CLVS1: variants seen among roughly 807,000 people sequenced by gnomAD.
CLVS1 encodes clavesin 1.
A neutral mutation model predicts 33.1 loss-of-function variants in CLVS1; 10 were observed. That is an observed-to-expected ratio of 0.30 (90% confidence interval 0.19 to 0.51). The LOEUF (loss-of-function observed/expected upper bound fraction) is 0.51. Ranked by LOEUF, CLVS1 falls within the 20% of genes least tolerant of loss-of-function variation. CLVS1 has a pLI of 0.97. For missense variants in CLVS1, 343 were observed against 433.4 expected, an observed-to-expected ratio of 0.79 and a Z score of 1.85; for synonymous variants, 163 against 166.1, an observed-to-expected ratio of 0.98 and a Z score of 0.14.
chr8:61,110,645 C>A (rs903426753), intron 1 of CLVS1, among the ~76,000 whole-genome samples: 3 of 152,132 alleles, frequency 2.0e-5, no homozygotes, highest in South Asian at 2.1e-4. Context: ...TAGTGTAGAA[C>A]TTTTTCACCT....
At chr8:61,082,278 G>A (rs1805034349) in intron 1 of CLVS1, among the ~76,000 whole-genome samples, 1 of 151,972 alleles carries the variant, frequency 6.6e-6, no homozygotes, top group Non-Finnish European at 1.5e-5. Flanking sequence ...ATTTAAAAAG[G>A]CACAGTATAT....
intron 2 of CLVS1, among the ~76,000 whole-genome samples, chr8:61,361,989 G>A (rs894073704): frequency 5.9e-5 from 9 of 152,276 alleles, no homozygotes; most frequent in South Asian, 2.1e-4. Context: ...TAGGAGAAAC[G>A]TAGTCAGGTG....
chr8:61,464,718 T>G (rs910445133), intron 5 of CLVS1: 2 of 151,842 alleles, frequency 1.3e-5, no homozygotes, highest in African/African-American at 2.4e-5. Flanking sequence ...GTGCACACAC[T>G]TCATTTTCCC....
At chr8:61,448,772 C>T (rs1446467560) in intron 3 of CLVS1, among the ~76,000 whole-genome samples, 2 of 151,492 alleles carry the variant, frequency 1.3e-5, no homozygotes, top group African/African-American at 2.4e-5. Context: ...CTATCAATTC[C>T]TATTTCCTTT....
upstream of CLVS1, among the ~76,000 whole-genome samples, chr8:61,052,642 C>T (rs1252774185): frequency 2.0e-5 from 3 of 152,124 alleles, no homozygotes; most frequent in East Asian, 5.8e-4. Context: ...GACCAGGAAG[C>T]CCATGTGACC....
In CLVS1 at chr8:61,499,450, G is replaced by T. The variant is rs1178001172; in HGVS notation, c.978-5G>T. The T allele has an allele frequency of 1.2e-6, 2 of 1,608,324 alleles. No homozygotes were observed. Among genetic ancestry groups the T allele is most frequent in the East Asian group, 4.5e-5 (2 of 44,842 alleles). Reference sequence around the variant, plus strand: ...ATTCTGTCTTTTTCCCTCCCCTCTTGTTAGATCTCAGTCTGTGGTAGAAGC... The same window carrying T: ...ATTCTGTCTTTTTCCCTCCCCTCTTTTTAGATCTCAGTCTGTGGTAGAAGC... On this transcript the variant is annotated splice_polypyrimidine_tract_variant and splice_region_variant and intron_variant, in intron 5 of 5. Coordinates refer to ENST00000325897, the MANE Select transcript of CLVS1 (RefSeq NM_173519.3).
chr8:61,106,880 G>A (rs1563405079), intron 1 of CLVS1, among the ~76,000 whole-genome samples: 1 of 152,134 alleles, frequency 6.6e-6, no homozygotes. Context: ...CAGAGGGCCA[G>A]GTGCTCAGTG....
In CLVS1 at chr8:61,202,809, G is replaced by T. The variant is rs1198174674; in HGVS notation, c.-152+70949G>T. 5.3e-6 allele frequency: 7 copies of T among 1,312,588 alleles called. No homozygotes were observed. The African/African-American group carries it at 1.0e-4, about 19-fold the overall frequency. The allele number at this position is 1,312,588 out of a possible 1,614,324, so 81.3% of individuals were successfully genotyped here. On this transcript the variant is annotated intron_variant, in intron 2 of 2. Coordinates refer to the CLVS1 transcript ENST00000522621. ...TCGGAGGTAGTAGCAAGCTTCCACA[G>T]AAAAAAGTAAAACTTGCTGCTGATG...
At chr8:61,375,100 T>C (rs967700427) in intron 2 of CLVS1, among the ~76,000 whole-genome samples, 1 of 152,122 alleles carries the variant, frequency 6.6e-6, no homozygotes, top group African/African-American at 2.4e-5. Flanking sequence ...ATTGTATTGA[T>C]TCCTTTCATG....
chr8:61,420,213 A>G (rs939836466), intron 3 of CLVS1, among the ~76,000 whole-genome samples: 1 of 152,190 alleles, frequency 6.6e-6, no homozygotes, highest in African/African-American at 2.4e-5. Flanking sequence ...AACTGATAAT[A>G]TATTGCCTTT....
chr8:61,289,334 C>G (rs181700936), intron 1 of CLVS1, among the ~76,000 whole-genome samples: 109 of 152,312 alleles, frequency 7.2e-4, no homozygotes, highest in African/African-American at 2.5e-3. Context: ...AGTTGGAACA[C>G]CTTTCAAATG....
At chr8:61,246,888 ATAT>A (rs1480588069) in intron 2 of CLVS1, among the ~76,000 whole-genome samples, 1 of 152,034 alleles carries the variant, frequency 6.6e-6, no homozygotes, top group African/African-American at 2.4e-5. Flanking sequence ...TTTGTTGTAC[ATAT>A]TATTATATCA....
At chr8:61,385,721 T>A (rs1814055944) in intron 3 of CLVS1, among the ~76,000 whole-genome samples, 1 of 152,210 alleles carries the variant, frequency 6.6e-6, no homozygotes, top group African/African-American at 2.4e-5. Flanking sequence ...TCAGTCAGGA[T>A]TTTTTCATAA....
intron 2 of CLVS1, among the ~76,000 whole-genome samples, chr8:61,375,259 T>C (rs1449015063): frequency 1.3e-5 from 2 of 151,658 alleles, no homozygotes; most frequent in African/African-American, 4.8e-5. Context: ...TTTTTTTTTT[T>C]TTTTTTTATG....
At position 61,272,503 on chromosome 8, in the gene CLVS1, T is replaced by A. The variant is rs914738800; in HGVS notation, c.-151-27174T>A. On this transcript the variant is annotated intron_variant, in intron 2 of 2. Transcript: ENST00000522621. ...TTGCTCTTCTTGAGGAGTATCTTTG[T>A]GGTGTTCTCTGTATTTCCTGAATCT... is the stretch of plus-strand genomic sequence containing the variant. Among the ~76,000 whole-genome samples, 526 of 152,272 alleles carry A rather than the reference T, an allele frequency of 3.5e-3. 3 individuals are homozygous for A. Among genetic ancestry groups the A allele is most frequent in the Non-Finnish European group, 5.0e-3 (343 of 68,026 alleles).
At chr8:61,353,729 A>T (rs1157819058) in intron 2 of CLVS1, among the ~76,000 whole-genome samples, 1 of 149,950 alleles carries the variant, frequency 6.7e-6, no homozygotes, top group African/African-American at 2.5e-5. Context: ...AATAAAAAAA[A>T]AAATAAAGAA....
At chr8:61,015,313 T>G in the CLVS1 span, among the ~76,000 whole-genome samples, 2 of 152,224 alleles carry the variant, frequency 1.3e-5, no homozygotes, top group African/African-American at 4.8e-5. Context: ...AGTAACTTGT[T>G]TGCAGTCACA....
chr8:61,426,367 A>C (rs1381471710), intron 3 of CLVS1, among the ~76,000 whole-genome samples: 1 of 152,190 alleles, frequency 6.6e-6, no homozygotes, highest in Non-Finnish European at 1.5e-5. Context: ...ATGGGCTTAT[A>C]ATATTTACTA....
the CLVS1 span, among the ~76,000 whole-genome samples, chr8:61,037,524 A>G: frequency 6.6e-6 from 1 of 152,200 alleles, no homozygotes; most frequent in Non-Finnish European, 1.5e-5. Context: ...TTAAAGATCC[A>G]TTCATCCATT....
Sources: gnomAD v4.1 joint callset for allele counts (sites outside exome capture counted in the v4.1 genomes callset) on GRCh38, gnomAD v4.1.1 for gene constraint, MANE v1.5 for transcripts, NCBI Gene and HGNC (gene_info 2026-07-23, HGNC 2026-07-21) for gene names.